Variants in CLYBL observed in about 807,000 individuals in gnomAD.
The protein encoded by CLYBL is citramalyl-CoA lyase, mitochondrial.
CLYBL carries 31 observed loss-of-function variants against 38.9 expected under a neutral mutation model. The observed-to-expected ratio is 0.80, with a 90% CI of 0.60 to 1.08. CLYBL has a LOEUF of 1.08. Ranked by LOEUF, CLYBL falls within the 50% of genes least tolerant of loss-of-function variation. The probability of loss-of-function intolerance (pLI) is 0.00; values close to 1 mark genes in which losing one functional copy is unlikely to be tolerated. For missense variants in CLYBL, 434 were observed against 411.6 expected, an observed-to-expected ratio of 1.05 and a Z score of -0.47; for synonymous variants, 171 against 158.6, an observed-to-expected ratio of 1.08 and a Z score of -0.59.
downstream of CLYBL, chr13:99,895,800 C>G (rs1185613285): frequency 6.6e-6 from 1 of 152,278 alleles, no homozygotes; most frequent in African/African-American, 2.4e-5. Flanking sequence ...GCGGCGGCCA[C>G]TCGAACCCCG....
intron 2 of CLYBL, among the ~76,000 whole-genome samples, chr13:99,790,274 T>C (rs1245945688): frequency 2.0e-5 from 3 of 152,244 alleles, no homozygotes; most frequent in Non-Finnish European, 2.9e-5. Flanking sequence ...TGTTAGTTGA[T>C]GCAGTTTCTT....
downstream of CLYBL, chr13:99,892,806 C>G (rs2052519370): frequency 6.6e-6 from 1 of 152,234 alleles, no homozygotes; most frequent in Non-Finnish European, 1.5e-5. Flanking sequence ...GAGCCCCAAC[C>G]AGGCCTCCCC....
At chr13:99,697,493 C>T (rs1167577636) in intron 1 of CLYBL, among the ~76,000 whole-genome samples, 1 of 152,010 alleles carries the variant, frequency 6.6e-6, no homozygotes, top group Non-Finnish European at 1.5e-5. Flanking sequence ...TCTCCCCACT[C>T]AGTAGCTGGG....
intron 1 of CLYBL, among the ~76,000 whole-genome samples, chr13:99,654,863 G>A (rs376533572): frequency 2.0e-5 from 3 of 152,072 alleles, no homozygotes; most frequent in African/African-American, 7.2e-5. Context: ...AAATTAGCTG[G>A]GCATGGTGGC....
At chr13:99,682,039 C>T (rs1227510539) in intron 1 of CLYBL, among the ~76,000 whole-genome samples, 1 of 152,216 alleles carries the variant, frequency 6.6e-6, no homozygotes, top group Non-Finnish European at 1.5e-5. Flanking sequence ...CTACCGCACA[C>T]CTAGGCTGTG....
At chr13:99,830,836 G>A (rs1433018103) in intron 2 of CLYBL, among the ~76,000 whole-genome samples, 2 of 152,300 alleles carry the variant, frequency 1.3e-5, no homozygotes, top group East Asian at 1.9e-4. Context: ...ATAAGTCCAT[G>A]TCCTAATCCC....
chr13:99,846,907 C>T (rs2051218932), intron 2 of CLYBL, among the ~76,000 whole-genome samples: 1 of 152,210 alleles, frequency 6.6e-6, no homozygotes, highest in Non-Finnish European at 1.5e-5. Flanking sequence ...ACCTGCCCAA[C>T]TCATACCTGC....
intron 1 of CLYBL, among the ~76,000 whole-genome samples, chr13:99,693,174 A>C (rs2047932707): frequency 6.6e-6 from 1 of 152,148 alleles, no homozygotes; most frequent in Admixed American, 6.6e-5. Flanking sequence ...TATGAAACTA[A>C]TTATGAAGCA....
At chr13:99,775,989 C>G (rs1594175098) in intron 2 of CLYBL, among the ~76,000 whole-genome samples, 2 of 151,666 alleles carry the variant, frequency 1.3e-5, no homozygotes, top group South Asian at 4.2e-4. Flanking sequence ...TGGTGAAACC[C>G]CATCTCTACT....
intron 2 of CLYBL, among the ~76,000 whole-genome samples, chr13:99,793,313 G>T (rs945317667): frequency 6.6e-6 from 1 of 152,194 alleles, no homozygotes; most frequent in Admixed American, 6.5e-5. Flanking sequence ...GGATGGGAAG[G>T]CTCCTCTCCC....
intron 3 of CLYBL, among the ~76,000 whole-genome samples, chr13:99,860,636 G>T (rs1022321252): frequency 2.0e-5 from 3 of 152,224 alleles, no homozygotes; most frequent in African/African-American, 7.2e-5. Flanking sequence ...ATGGGGGAGG[G>T]GGAGACCCAG....
At chr13:99,742,317 A>G (rs2048771138) in intron 1 of CLYBL, among the ~76,000 whole-genome samples, 1 of 152,248 alleles carries the variant, frequency 6.6e-6, no homozygotes, top group Admixed American at 6.5e-5. Flanking sequence ...TTCTTTCATA[A>G]ATAAGCAGGA....
At chr13:99,907,381 C>A (rs1262435311) in intron 9 of CLYBL, among the ~76,000 whole-genome samples, 3 of 151,756 alleles carry the variant, frequency 2.0e-5, no homozygotes, top group African/African-American at 7.3e-5. Context: ...AGGCACTGGA[C>A]AAGTGTTGGT....
intron 1 of CLYBL, among the ~76,000 whole-genome samples, chr13:99,693,713 G>A (rs764486497): frequency 6.6e-6 from 1 of 152,128 alleles, no homozygotes; most frequent in South Asian, 2.1e-4. Flanking sequence ...TCTACTTTAA[G>A]GGGGATTTGG....
chr13:99,755,729 A>T (rs1049108546), intron 1 of CLYBL, among the ~76,000 whole-genome samples: 1 of 152,146 alleles, frequency 6.6e-6, no homozygotes, highest in Admixed American at 6.6e-5. Flanking sequence ...AGTCTCCCAG[A>T]GGGTGAGTGG....
chr13:99,691,392 TG>T (rs1468445618), intron 1 of CLYBL, among the ~76,000 whole-genome samples: 2 of 151,874 alleles, frequency 1.3e-5, no homozygotes, highest in Non-Finnish European at 2.9e-5. Context: ...TCTAAAAATT[TG>T]GGGGGGAAGG....
At chr13:99,768,516 TTTTTTTTTTTTTA>T (rs1267461456) in intron 1 of CLYBL, among the ~76,000 whole-genome samples, 13,951 of 35,082 alleles carry the variant, frequency 0.4, 1,972 homozygotes, top group East Asian at 0.56. Context: ...TTTTTTTTTT[TTTTTTTTTTTTTA>T]AAGACAGAAT....
At chr13:99,809,938 A>G (rs751133766) in intron 2 of CLYBL, among the ~76,000 whole-genome samples, 4 of 152,248 alleles carry the variant, frequency 2.6e-5, no homozygotes, top group Non-Finnish European at 5.9e-5. Context: ...CAGCTCATCC[A>G]TCCCGACTAG....
chr13:99,776,207 A>C (rs573611860), intron 2 of CLYBL, among the ~76,000 whole-genome samples: 2 of 149,036 alleles, frequency 1.3e-5, no homozygotes, highest in African/African-American at 4.9e-5. Context: ...TAATAATAAT[A>C]ATCTTGGCCG....
Sources: allele counts gnomAD v4.1 joint callset (sites outside exome capture counted in the v4.1 genomes callset), GRCh38; gene constraint gnomAD v4.1.1; transcripts MANE v1.5; gene names NCBI Gene and HGNC (gene_info 2026-07-23, HGNC 2026-07-21).